The following MYO10 variants were observed in gnomAD, a reference collection of about 807,000 sequenced individuals.
The protein encoded by MYO10 is unconventional myosin-X.
A neutral mutation model predicts 257.3 loss-of-function variants in MYO10; 133 were observed. That is an observed-to-expected ratio of 0.52 (90% CI 0.45 to 0.60). MYO10 has a LOEUF of 0.60. Ranked by LOEUF, MYO10 falls within the 20% of genes least tolerant of loss-of-function variation. MYO10 has a pLI of 0.00. For synonymous variants in MYO10, 1,104 were observed against 1,028.6 expected (o/e 1.07, Z -1.40); for missense variants, 2,399 against 2,635.7 (o/e 0.91, Z 1.97).
intron 4 of MYO10, among the ~76,000 whole-genome samples, chr5:16,792,110 T>TACACACAC (rs138106656): frequency 1.5e-4 from 21 of 139,096 alleles, no homozygotes; most frequent in South Asian, 4.8e-4. Flanking sequence ...CACACATACA[T>TACACACAC]ACACACACAC....
chr5:16,668,028 AG>A (rs1403858997), intron 40 of MYO10, among the ~76,000 whole-genome samples: 1 of 152,270 alleles, frequency 6.6e-6, no homozygotes, highest in Non-Finnish European at 1.5e-5. Context: ...CTTTCCTCCA[AG>A]GGTAAGACTC....
chr5:16,702,169 G>A (rs1413220185), intron 24 of MYO10, among the ~76,000 whole-genome samples: 1 of 152,186 alleles, frequency 6.6e-6, no homozygotes, highest in Admixed American at 6.5e-5. Context: ...AAGCCAAGGG[G>A]AGGGGCCTCA....
chr5:16,803,907 A>G (rs1742193115), intron 3 of MYO10, among the ~76,000 whole-genome samples: 1 of 152,196 alleles, frequency 6.6e-6, no homozygotes, highest in African/African-American at 2.4e-5. Flanking sequence ...AGGATTGTTT[A>G]CACATTCGCA....
chr5:16,877,522 G>A (rs1744638686), intron 2 of MYO10, 87 bp downstream of exon 2: 2 of 989,776 alleles, frequency 2.0e-6, no homozygotes, highest in South Asian at 2.8e-5. Context: ...GTGTGTATGT[G>A]TAGGGGGGCC....
chr5:16,757,309 C>CACACACACACAA (rs1487890015), intron 18 of MYO10, among the ~76,000 whole-genome samples: 16 of 78,096 alleles, frequency 2.0e-4, no homozygotes, highest in African/African-American at 7.0e-4. Flanking sequence ...CAAACACACA[C>CACACACACACAA]ACACACGCAC....
intron 28 of MYO10, among the ~76,000 whole-genome samples, chr5:16,688,300 T>C (rs1331748327): frequency 1.3e-5 from 2 of 152,228 alleles, no homozygotes; most frequent in Non-Finnish European, 2.9e-5. Context: ...GTCTTTACCC[T>C]TAATGTTGCT....
Position 16,704,636 on chromosome 5 carries a change from T to A in MYO10, c.2219A>T (p.Glu740Val). Residue 740 changes from glutamate to valine, a missense_variant, in exon 22 of 41, where the codon GAG becomes GTG. Coordinates refer to ENST00000513610, the MANE Select transcript of MYO10 (RefSeq NM_012334.3). ...CACCATGGCCGCGTGGCTCACTTCC[T>A]CTTCCCTCCGCTTCTCCAGTTTCTG... is the stretch of plus-strand genomic sequence containing the variant. ...LEQKLEKRRE[E>V]EVSHAAMVIR... 6.2e-7 allele frequency: 1 copy of A among 1,613,932 alleles called. No homozygotes were observed.
intron 27 of MYO10, among the ~76,000 whole-genome samples, chr5:16,693,405 G>A (rs559471224): frequency 8.5e-5 from 13 of 152,332 alleles, no homozygotes; most frequent in East Asian, 3.9e-4. Flanking sequence ...GCGCACTCCC[G>A]CACCTCATGA....
chr5:16,804,836 G>C (rs1411232518), intron 3 of MYO10, among the ~76,000 whole-genome samples: 2 of 151,994 alleles, frequency 1.3e-5, no homozygotes, highest in African/African-American at 4.8e-5. Flanking sequence ...GATCACCTGA[G>C]CCTGGGGAGG....
intron 36 of MYO10, 72 bp downstream of exon 36, chr5:16,673,608 GCA>G: frequency 6.7e-7 from 1 of 1,496,436 alleles, no homozygotes; most frequent in South Asian, 1.2e-5. Flanking sequence ...CTCTAATGCT[GCA>G]CAATGTTCCT....
At chr5:16,765,934 AT>A in intron 11 of MYO10, 145 bp downstream of exon 11, 1 of 631,792 alleles carries the variant, frequency 1.6e-6, no homozygotes, top group South Asian at 2.1e-5. Flanking sequence ...TATCTTCTTT[AT>A]TTTTATCATG....
At chr5:16,755,017 T>C in intron 18 of MYO10, 109 bp from the exon 19 acceptor site, 1 of 586,236 alleles carries the variant, frequency 1.7e-6, no homozygotes, top group Non-Finnish European at 2.8e-6. Context: ...ATATAAATCA[T>C]AGGACTAATA....
intron 2 of MYO10, among the ~76,000 whole-genome samples, chr5:16,875,571 C>G (rs1744578147): frequency 6.6e-6 from 1 of 152,290 alleles, no homozygotes; most frequent in South Asian, 2.1e-4. Context: ...TCCCCATACC[C>G]TGAAATCTAT....
At chr5:16,740,348 A>AG (rs1366591747) in intron 19 of MYO10, among the ~76,000 whole-genome samples, 5 of 151,340 alleles carry the variant, frequency 3.3e-5, no homozygotes, top group African/African-American at 1.2e-4. Flanking sequence ...TAATGCTTAG[A>AG]GGGGAAAAAA....
rs534922308 is a variant in MYO10, at chr5:16,769,154, G to C, written c.980C>G (p.Ser327Trp). The C allele has an allele frequency of 6.2e-7, 1 of 1,612,400 alleles. No homozygotes were observed. Among genetic ancestry groups the C allele is most frequent in the Non-Finnish European group, 8.5e-7 (1 of 1,179,390 alleles). The part of the protein sequence containing the change: ...QFSKEEVREV[S>W]RLLAGILHLG... The stretch of plus-strand genomic sequence containing the variant: ...ATGCAGTATACCAGCAAGCAGCCTC[G>C]ACACTTCCCGAACTTCCTCCTTGCT... The change falls in exon 10 of 41, where the codon TCG (serine) becomes TGG (tryptophan). Residue 327 changes from serine (S) to tryptophan (W), a missense_variant. Coordinates refer to ENST00000513610, the MANE Select transcript of MYO10 (RefSeq NM_012334.3).
intron 9 of MYO10, among the ~76,000 whole-genome samples, chr5:16,772,715 G>A (rs1248742088): frequency 1.3e-5 from 2 of 152,108 alleles, no homozygotes; most frequent in African/African-American, 4.8e-5. Context: ...ACAATCAATG[G>A]GTGAATGGAT....
At chr5:16,786,266 C>A (rs1741577174) in intron 4 of MYO10, among the ~76,000 whole-genome samples, 1 of 152,166 alleles carries the variant, frequency 6.6e-6, no homozygotes, top group South Asian at 2.1e-4. Context: ...TCAAACTCTA[C>A]AGCAGAGGCT....
At chr5:16,744,525 C>T (rs1030233193) in intron 19 of MYO10, among the ~76,000 whole-genome samples, 2 of 152,092 alleles carry the variant, frequency 1.3e-5, no homozygotes, top group Admixed American at 1.3e-4. Context: ...ATGTGCTAGA[C>T]CCAGAGCACC....
intron 1 of MYO10, among the ~76,000 whole-genome samples, chr5:16,884,263 T>C (rs1744835651): frequency 1.3e-5 from 2 of 152,038 alleles, no homozygotes; most frequent in Admixed American, 6.6e-5. Flanking sequence ...GGCGTGGTGG[T>C]GCATGCCTGT....
Sources: allele counts gnomAD v4.1 joint callset (sites outside exome capture counted in the v4.1 genomes callset), GRCh38; gene constraint gnomAD v4.1.1; transcripts MANE v1.5; gene names NCBI Gene and HGNC (gene_info 2026-07-23, HGNC 2026-07-21).